The following TMEM178B variants were observed in gnomAD, a reference collection of about 807,000 sequenced individuals.
TMEM178B encodes the protein transmembrane protein 178B.
TMEM178B carries 5 observed loss-of-function variants against 31.0 expected under a neutral mutation model. The observed-to-expected ratio is 0.16, with a 90% CI of 0.08 to 0.34. The LOEUF (loss-of-function observed/expected upper bound fraction) is 0.34, where lower values mean the gene tolerates loss of function less well. Among genes scored for constraint, TMEM178B ranks in the 10% least tolerant of loss-of-function variants. TMEM178B has a pLI of 1.00. For missense variants in TMEM178B, 275 were observed against 400.3 expected, an observed-to-expected ratio of 0.69 and a Z score of 2.67; for synonymous variants, 164 against 164.0, an observed-to-expected ratio of 1.00 and a Z score of 0.00.
intron 2 of TMEM178B, among the ~76,000 whole-genome samples, chr7:141,340,948 G>A (rs1319914801): frequency 6.6e-6 from 1 of 152,066 alleles, no homozygotes; most frequent in Non-Finnish European, 1.5e-5. Context: ...CACTAAATAT[G>A]AAACTCACCG....
At chr7:141,168,695 G>T (rs1267599579) in intron 1 of TMEM178B, among the ~76,000 whole-genome samples, 1 of 151,904 alleles carries the variant, frequency 6.6e-6, no homozygotes, top group East Asian at 1.9e-4. Flanking sequence ...GCTTGAGCCC[G>T]GGAGGTGGAG....
chr7:141,158,117 A>G (rs1344168443), intron 1 of TMEM178B, among the ~76,000 whole-genome samples: 1 of 152,032 alleles, frequency 6.6e-6, no homozygotes, highest in Non-Finnish European at 1.5e-5. Context: ...GTTTTTTGAG[A>G]TGGAGTCTCA....
intron 1 of TMEM178B, among the ~76,000 whole-genome samples, chr7:141,084,737 TA>T (rs1408818349): frequency 6.6e-6 from 1 of 152,192 alleles, no homozygotes; most frequent in Admixed American, 6.5e-5. Context: ...GTCCTTCTCC[TA>T]AAAGGCAGCC....
chr7:141,364,488 G>A (rs1023309913), intron 2 of TMEM178B, among the ~76,000 whole-genome samples: 4 of 151,718 alleles, frequency 2.6e-5, no homozygotes, highest in Non-Finnish European at 2.9e-5. Context: ...GTGAAACCCC[G>A]TCTCTACCCA....
At chr7:141,450,396 T>G (rs1801841989) in intron 3 of TMEM178B, among the ~76,000 whole-genome samples, 1 of 152,236 alleles carries the variant, frequency 6.6e-6, no homozygotes, top group African/African-American at 2.4e-5. Flanking sequence ...TCAGGGTTGC[T>G]CACAATTGTA....
chr7:141,085,845 G>T (rs1411528986), intron 1 of TMEM178B, among the ~76,000 whole-genome samples: 1 of 152,104 alleles, frequency 6.6e-6, no homozygotes, highest in East Asian at 1.9e-4. Context: ...GGTTGAAGAC[G>T]TGCGTGCCTG....
chr7:141,406,540 T>C (rs1800888567), intron 2 of TMEM178B, among the ~76,000 whole-genome samples: 3 of 152,350 alleles, frequency 2.0e-5, no homozygotes, highest in Admixed American at 6.5e-5. Context: ...TACTTATCAT[T>C]GCACTGATGT....
At chr7:141,314,859 A>G (rs940027227) in intron 2 of TMEM178B, among the ~76,000 whole-genome samples, 3 of 152,078 alleles carry the variant, frequency 2.0e-5, no homozygotes, top group African/African-American at 4.8e-5. Flanking sequence ...GATATTTCCA[A>G]TCTATGCTCT....
intron 1 of TMEM178B, among the ~76,000 whole-genome samples, chr7:141,132,800 C>T (rs1245136108): frequency 6.6e-6 from 1 of 152,222 alleles, no homozygotes; most frequent in Non-Finnish European, 1.5e-5. Context: ...CTTGCTACCA[C>T]CAGTGCCCAC....
intron 2 of TMEM178B, among the ~76,000 whole-genome samples, chr7:141,239,702 T>C (rs1307122314): frequency 2.6e-5 from 4 of 152,348 alleles, no homozygotes; most frequent in Non-Finnish European, 1.5e-5. Flanking sequence ...GTTCCCATCC[T>C]GGGCTCATCC....
chr7:141,334,260 C>G (rs1799346523), intron 2 of TMEM178B, among the ~76,000 whole-genome samples: 1 of 152,180 alleles, frequency 6.6e-6, no homozygotes, highest in African/African-American at 2.4e-5. Context: ...CCTGTCTCAG[C>G]AATTCATGAG....
chr7:141,367,682 A>G (rs141098401), intron 2 of TMEM178B, among the ~76,000 whole-genome samples: 1 of 152,278 alleles, frequency 6.6e-6, no homozygotes, highest in African/African-American at 2.4e-5. Flanking sequence ...ATACACAAAT[A>G]ATTATAGAAA....
intron 2 of TMEM178B, among the ~76,000 whole-genome samples, chr7:141,306,717 T>A (rs1161562266): frequency 6.6e-6 from 1 of 151,968 alleles, no homozygotes; most frequent in East Asian, 1.9e-4. Flanking sequence ...CTGTATTCTG[T>A]TCTCTTTGTG....
chr7:141,438,875 C>CAA (rs764682650), intron 3 of TMEM178B, among the ~76,000 whole-genome samples: 1 of 132,744 alleles, frequency 7.5e-6, no homozygotes, highest in Non-Finnish European at 1.6e-5. Context: ...GATTCCGTCT[C>CAA]AAAAAAAAAG....
chr7:141,085,120 G>A (rs113191346), intron 1 of TMEM178B, among the ~76,000 whole-genome samples: 13 of 150,240 alleles, frequency 8.7e-5, no homozygotes, highest in African/African-American at 3.2e-4. Flanking sequence ...TGGGATTACA[G>A]GCACCTGTCA....
chr7:141,157,424 C>T (rs552601809), intron 1 of TMEM178B, among the ~76,000 whole-genome samples: 23 of 150,058 alleles, frequency 1.5e-4, no homozygotes, highest in Admixed American at 5.3e-4. Flanking sequence ...CTCCTGCGCG[C>T]GTGCACACAC....
At chr7:141,440,822 A>C (rs1327364550) in intron 3 of TMEM178B, among the ~76,000 whole-genome samples, 1 of 152,204 alleles carries the variant, frequency 6.6e-6, no homozygotes, top group African/African-American at 2.4e-5. Flanking sequence ...TCCACAGATC[A>C]GGTCGCCTTC....
intron 1 of TMEM178B, among the ~76,000 whole-genome samples, chr7:141,145,252 A>G (rs1795833200): frequency 6.6e-6 from 1 of 152,130 alleles, no homozygotes; most frequent in Admixed American, 6.5e-5. Context: ...GAGGGCTTGA[A>G]GAGGACTGTT....
chr7:141,202,335 C>A (rs1229292489), intron 1 of TMEM178B, among the ~76,000 whole-genome samples: 1 of 106,194 alleles, frequency 9.4e-6, no homozygotes, highest in Non-Finnish European at 1.7e-5. Flanking sequence ...TGTTTAGGGG[C>A]AAGGTAAGGG....
Sources: gnomAD v4.1 joint callset for allele counts (sites outside exome capture counted in the v4.1 genomes callset) on GRCh38, gnomAD v4.1.1 for gene constraint, MANE v1.5 for transcripts, NCBI Gene and HGNC (gene_info 2026-07-23, HGNC 2026-07-21) for gene names.